The following GLYR1 variants were observed in gnomAD, a reference collection of about 807,000 sequenced individuals.
The protein encoded by GLYR1 is cytokine-like nuclear factor N-PAC.
A neutral mutation model predicts 72.7 loss-of-function variants in GLYR1; 21 were observed. That is an observed-to-expected ratio of 0.29 (90% CI 0.20 to 0.42). The LOEUF is 0.42. Among genes scored for constraint, GLYR1 ranks in the 10% least tolerant of loss-of-function variants. The pLI, the probability that GLYR1 is intolerant of heterozygous loss-of-function variation, is 1.00. For synonymous variants in GLYR1, 392 were observed against 270.2 expected, an observed-to-expected ratio of 1.45 and a Z score of -4.42; for missense variants, 594 against 712.1, an observed-to-expected ratio of 0.83 and a Z score of 1.89.
chr16:4,827,505 T>C (rs1049213354), intron 5 of GLYR1, among the ~76,000 whole-genome samples: 5 of 152,070 alleles, frequency 3.3e-5, no homozygotes, highest in African/African-American at 4.8e-5. Flanking sequence ...GAAGGGTCAA[T>C]AGCAGCTAGA....
In GLYR1 at chr16:4,822,383, G is replaced by A. The variant is rs145216277; in HGVS notation, c.681+492C>T. Among the ~76,000 whole-genome samples, 809 of 152,040 alleles carry A rather than the reference G, an allele frequency of 5.3e-3. 7 individuals carry two copies. Among genetic ancestry groups the A allele is most frequent in the African/African-American group, 0.018 (745 of 41,458 alleles). ...ATTATAGGCATGAGCCACCATGCCC[G>A]GCCTTTGGGTTTATTTATCTTTTTT... On this transcript the variant is annotated intron_variant, in intron 7 of 15. Coordinates refer to ENST00000321919, the MANE Select transcript of GLYR1 (RefSeq NM_032569.4).
At chr16:4,809,027 T>C (rs1357147085) in intron 15 of GLYR1, among the ~76,000 whole-genome samples, 1 of 151,818 alleles carries the variant, frequency 6.6e-6, no homozygotes, top group Non-Finnish European at 1.5e-5. Flanking sequence ...CTAATAGACA[T>C]GCTAATTAAA....
rs2083452421 is a variant in GLYR1, at chr16:4,813,636, GGC to G, written c.1119+99_1119+100del. The G allele has an allele frequency of 2.7e-5, 27 of 1,007,174 alleles. No individual in the cohort carries two copies. In the Admixed American group the frequency reaches 5.2e-4, roughly 19 times the overall value. 62.4% of individuals were successfully genotyped at this position (1,007,174 alleles called of 1,614,324 possible). On this transcript the variant is annotated intron_variant, in intron 12 of 15. Transcript: ENST00000321919. Reference sequence around the variant, plus strand: ...TACTCGCCTCTCCTCTTCCCTCTCTGGCTTTGGCTCTAGAGTAACTTAACTGC... The same window carrying G: ...TACTCGCCTCTCCTCTTCCCTCTCTGTTTGGCTCTAGAGTAACTTAACTGC...
chr16:4,834,295 C>CCT (rs2084984732), intron 3 of GLYR1, among the ~76,000 whole-genome samples: 1 of 118,348 alleles, frequency 8.4e-6, no homozygotes, highest in Admixed American at 8.5e-5. Context: ...AGGCAAATTC[C>CCT]TTTTTTTTTT....
In GLYR1 at chr16:4,805,327, T is replaced by C. The variant is rs777098050; in HGVS notation, c.1588-17A>G. The C allele has an allele frequency of 1.9e-5, 31 of 1,607,794 alleles. No individual in the cohort carries two copies. Among genetic ancestry groups the C allele is most frequent in the Non-Finnish European group, 2.5e-5 (29 of 1,175,590 alleles). On this transcript the variant is annotated splice_polypyrimidine_tract_variant and intron_variant, in intron 15 of 15. Transcript: ENST00000321919. The stretch of plus-strand genomic sequence containing the variant: ...TTTGTACACCTGGAAAAAAAAGAGA[T>C]GGCTCAGTCTCTGGCCCCAGAGCTG...
chr16:4,815,789 A>ATT (rs879945379), intron 10 of GLYR1, among the ~76,000 whole-genome samples: 1 of 146,778 alleles, frequency 6.8e-6, no homozygotes, highest in Non-Finnish European at 1.5e-5. Context: ...CAACTGTTTC[A>ATT]TTTTTTTTTT....
At chr16:4,807,150 C>T (rs528899336) in intron 15 of GLYR1, among the ~76,000 whole-genome samples, 49 of 134,998 alleles carry the variant, frequency 3.6e-4, no homozygotes, top group Non-Finnish European at 3.1e-4. Context: ...CTTGGTCTGT[C>T]GCCCAGGCTG....
chr16:4,832,336 G>A (rs1407514158), intron 4 of GLYR1, 115 bp from the exon 5 acceptor site: 5 of 1,271,720 alleles, frequency 3.9e-6, no homozygotes, highest in African/African-American at 1.5e-5. Flanking sequence ...TCCTCACAAT[G>A]ACCCTAGAAA....
At chr16:4,820,312 G>A (rs139924039) in intron 9 of GLYR1, among the ~76,000 whole-genome samples, 212 of 152,136 alleles carry the variant, frequency 1.4e-3, no homozygotes, top group African/African-American at 4.8e-3. Flanking sequence ...TTTTAATATG[G>A]CAACTGAGAG....
At chr16:4,811,037 G>A (rs370575474) in intron 15 of GLYR1, 133 bp downstream of exon 15, 13 of 1,101,382 alleles carry the variant, frequency 1.2e-5, no homozygotes, top group South Asian at 3.4e-5. Context: ...ACCAGGAGGC[G>A]GAGGTTGCAT....
intron 3 of GLYR1, chr16:4,843,524 C>T (rs2085716285): frequency 1.6e-6 from 2 of 1,287,908 alleles, no homozygotes; most frequent in Non-Finnish European, 2.0e-6. Context: ...TCCACAGCTC[C>T]AGGCCAGCGA....
At chr16:4,836,518 G>T (rs565868008) in intron 3 of GLYR1, among the ~76,000 whole-genome samples, 1 of 152,300 alleles carries the variant, frequency 6.6e-6, no homozygotes, top group Admixed American at 6.5e-5. Flanking sequence ...ACAGTAGAAT[G>T]AATGACACAT....
At chr16:4,811,869 T>TCA (rs1596311583) in intron 13 of GLYR1, 67 bp from the exon 14 acceptor site, 1 of 1,528,898 alleles carries the variant, frequency 6.5e-7, no homozygotes. Context: ...CTGTCCACCC[T>TCA]CACCTCTGCT....
intron 7 of GLYR1, 38 bp downstream of exon 7, chr16:4,822,837 C>T (rs2141989895): frequency 1.3e-6 from 2 of 1,569,374 alleles, no homozygotes; most frequent in Non-Finnish European, 8.8e-7. Flanking sequence ...CCTTGGCCAG[C>T]CCCTGACCAA....
chr16:4,823,039 T>C, intron 6 of GLYR1, 108 bp from the exon 7 acceptor site: 1 of 920,160 alleles, frequency 1.1e-6, no homozygotes, highest in East Asian at 2.4e-5. Context: ...TGGATTCTGG[T>C]CTCTTTTTCA....
rs779173510 is a variant in GLYR1, at chr16:4,822,866, G to A, written c.681+9C>T. 2.5e-6 allele frequency: 4 copies of A among 1,613,214 alleles called. No individual in the cohort carries two copies. The highest frequency in any genetic ancestry group is 1.1e-5 in the South Asian group (1 of 91,080). On this transcript the variant is annotated intron_variant, in intron 7 of 15. Coordinates refer to ENST00000321919, the MANE Select transcript of GLYR1 (RefSeq NM_032569.4). The stretch of plus-strand genomic sequence containing the variant: ...TGACCAAGGGCCAAGAGCCTCAAAG[G>A]CAACTCACCTTCTCTGTTTGGCTTA...
At chr16:4,844,467 T>G (rs1189897710) in intron 3 of GLYR1, among the ~76,000 whole-genome samples, 1 of 152,228 alleles carries the variant, frequency 6.6e-6, no homozygotes, top group East Asian at 1.9e-4. Flanking sequence ...GAACTGAACA[T>G]GGCTTTTATA....
chr16:4,842,998 C>A (rs187748317), intron 3 of GLYR1, among the ~76,000 whole-genome samples: 42 of 152,328 alleles, frequency 2.8e-4, no homozygotes, highest in African/African-American at 1.0e-3. Flanking sequence ...CCATGCCCGA[C>A]CATCATTGTG....
Position 4,817,586 on chromosome 16 carries a change from C to A in GLYR1, c.906+12G>T. On this transcript the variant is annotated intron_variant, in intron 10 of 15. Transcript: ENST00000321919. ...TCCACCGATCCAACAGGCACCACCC[C>A]TGAATGCTTACTTTCTCTGCAGTGC... 3.2e-6 allele frequency: 5 copies of A among 1,566,498 alleles called. No individual in the cohort carries two copies. The highest frequency in any genetic ancestry group is 4.4e-6 in the Non-Finnish European group (5 of 1,136,566).
Sources: allele counts gnomAD v4.1 joint callset (sites outside exome capture counted in the v4.1 genomes callset), GRCh38; gene constraint gnomAD v4.1.1; transcripts MANE v1.5; gene names NCBI Gene and HGNC (gene_info 2026-07-23, HGNC 2026-07-21).